The following CEP78 variants were observed in gnomAD, a reference collection of about 807,000 sequenced individuals.
CEP78 encodes centrosomal protein of 78 kDa.
CEP78 carries 76 observed loss-of-function variants against 81.2 expected under a neutral mutation model. That is an observed-to-expected ratio of 0.94 (90% CI 0.78 to 1.13). CEP78 has a LOEUF of 1.13. Among genes scored for constraint, CEP78 ranks in the 50% most tolerant of loss-of-function variants. The probability of loss-of-function intolerance (pLI) is 0.00; values close to 1 mark genes in which losing one functional copy is unlikely to be tolerated. For synonymous variants in CEP78, 293 were observed against 301.4 expected (o/e 0.97, Z 0.29); for missense variants, 918 against 846.8 (o/e 1.08, Z -1.04).
rs72743774 is a variant in CEP78, at chr9:78,270,672, G to A, written c.2108-169G>A. Among the ~76,000 whole-genome samples, 713 of 152,250 alleles carry A rather than the reference G, an allele frequency of 4.7e-3. 4 individuals carry two copies. The highest frequency in any genetic ancestry group is 7.2e-3 in the Non-Finnish European group (487 of 68,008). ...CAGTTCTATATCCAATAATGAGTTCGTCCAATTTCAAATGGGTATTTACAG... is the reference window on the plus strand; with the variant it reads ...CAGTTCTATATCCAATAATGAGTTCATCCAATTTCAAATGGGTATTTACAG... On this transcript the variant is annotated intron_variant, in intron 16 of 16. Coordinates refer to ENST00000643273, the MANE Select transcript of CEP78 (RefSeq NM_001330691.3).
At chr9:78,258,907 G>C (rs766842464) in intron 11 of CEP78, among the ~76,000 whole-genome samples, 7 of 152,130 alleles carry the variant, frequency 4.6e-5, no homozygotes, top group Non-Finnish European at 7.3e-5. Context: ...TGCTTACACC[G>C]GAAGTATAAG....
chr9:78,261,011 C>T (rs1167184515), intron 11 of CEP78, among the ~76,000 whole-genome samples: 2 of 151,950 alleles, frequency 1.3e-5, no homozygotes, highest in East Asian at 2.0e-4. Context: ...AGTGCAGTGG[C>T]GCAATCTCAG....
In CEP78 at chr9:78,270,957, T is replaced by C. The variant is rs1045875145; in HGVS notation, c.*106T>C. 3 of 593,538 alleles carry C rather than the reference T, an allele frequency of 5.1e-6. No individual in the cohort carries two copies. The highest frequency in any genetic ancestry group is 8.8e-6 in the Non-Finnish European group (3 of 340,480). The allele number at this position is 593,538 out of a possible 1,614,324, so 36.8% of individuals were successfully genotyped here. On this transcript the variant is annotated 3_prime_UTR_variant, in exon 17 of 17. Transcript: ENST00000643273. ...AAGAAGCAGATGATTTAAGTACCAG[T>C]TAATTAAAGGATGGAACAGCTAAGC...
rs1156789267 is a variant in CEP78 at position 78,248,838 on chromosome 9, G to C, written c.1034G>C (p.Gly345Ala). 1 of 1,594,824 alleles carries C rather than the reference G, an allele frequency of 6.3e-7. No homozygotes were observed. The change falls in exon 8 of 17, where the codon GGA becomes GCA. Residue 345 changes from glycine (G) to alanine (A), a missense_variant. Transcript: ENST00000643273. ...CAGAAAAGGAGAACTATAATTCTAG[G>C]AAGTGGTCACAAAGGAAAAGCTACT... ...AKQKRRTIIL[G>A]SGHKGKATIR... is the part of the protein sequence containing the mutation.
In CEP78 at chr9:78,272,892, G is replaced by T. The variant is rs1211030610; in HGVS notation, c.*2041G>T. The T allele has an allele frequency of 6.6e-6, 1 of 152,190 alleles. No homozygotes were observed. The highest frequency in any genetic ancestry group is 2.4e-5 in the African/African-American group (1 of 41,446). The allele number at this position is 152,190 out of a possible 1,614,324, so 9.4% of individuals were successfully genotyped here. ...GCATATATTGTGACTTAAAGCTTCT[G>T]TCTAGATGTGACATATGTCACTTCT... On this transcript the variant is annotated 3_prime_UTR_variant, in exon 17 of 17. Coordinates refer to ENST00000643273, the MANE Select transcript of CEP78 (RefSeq NM_001330691.3).
In CEP78 at chr9:78,277,771, G is replaced by C. The variant is rs1011901073; in HGVS notation, c.*6920G>C. On this transcript the variant is annotated 3_prime_UTR_variant, in exon 17 of 17. Coordinates refer to ENST00000643273, the MANE Select transcript of CEP78 (RefSeq NM_001330691.3). Reference sequence around the variant, plus strand: ...CAAGTGCCCAAAGAGTCAGATACAAGACTGTGTGAAGTGTTTTTTGAGATA... The same window carrying C: ...CAAGTGCCCAAAGAGTCAGATACAACACTGTGTGAAGTGTTTTTTGAGATA... 1.3e-5 allele frequency: 2 copies of C among 152,160 alleles called. No individual in the cohort carries two copies. Among genetic ancestry groups the C allele is most frequent in the Non-Finnish European group, 2.9e-5 (2 of 68,012 alleles). The allele number at this position is 152,160 out of a possible 1,614,324, so 9.4% of individuals were successfully genotyped here.
At chr9:78,249,857 A>G (rs1375967320) in intron 8 of CEP78, 1 of 158,854 alleles carries the variant, frequency 6.3e-6, no homozygotes, top group African/African-American at 2.4e-5. Flanking sequence ...TTTTATGTTT[A>G]TAATCTGCCA....
chr9:78,269,351 G>A (rs541627720), intron 16 of CEP78, among the ~76,000 whole-genome samples: 1 of 152,286 alleles, frequency 6.6e-6, no homozygotes, highest in South Asian at 2.1e-4. Context: ...TTAGTTTGGA[G>A]CAGGTTGAAC....
chr9:78,262,424 T>C (rs1827316617), intron 11 of CEP78, among the ~76,000 whole-genome samples: 1 of 152,144 alleles, frequency 6.6e-6, no homozygotes. Context: ...CCCTCAACAC[T>C]CTGGAGGAAT....
rs141682318 is a variant in CEP78, at chr9:78,262,825, C to T, written c.1381-82C>T. The stretch of plus-strand genomic sequence containing the variant: ...TCACTTCTGGCTCTGTCCCTAAACA[C>T]TTGGTGAGCTCAACAGCTGGAAGAG... On this transcript the variant is annotated intron_variant, in intron 11 of 16. Coordinates refer to ENST00000643273, the MANE Select transcript of CEP78 (RefSeq NM_001330691.3). 6.0e-3 allele frequency: 4,748 copies of T among 789,084 alleles called. 156 individuals carry two copies. The African/African-American group carries it at 0.071, about 12-fold the overall frequency. The allele number at this position is 789,084 out of a possible 1,614,324, so 48.9% of individuals were successfully genotyped here. A position where few individuals can be genotyped will look rare whatever the true frequency, so the allele number is the denominator to read the frequency against.
chr9:78,236,587 C>T lies in CEP78; in HGVS notation c.237C>T (p.Pro79=). The change falls in exon 1 of 17, where the codon CCC becomes CCT. Residue 79 remains proline (P), a synonymous_variant. Coordinates refer to ENST00000643273, the MANE Select transcript of CEP78 (RefSeq NM_001330691.3). ...TCTCCATCAAGAGCTTCTTCCAGCCCTGGCTGGGGGACACAGGTTTGTAGT... is the reference window on the plus strand; with the variant it reads ...TCTCCATCAAGAGCTTCTTCCAGCCTTGGCTGGGGGACACAGGTTTGTAGT... ...PLVSIKSFFQ[P]WLGDTGSDMN... 5 of 1,548,620 alleles carry T rather than the reference C, an allele frequency of 3.2e-6. No individual in the cohort carries two copies. Among genetic ancestry groups the T allele is most frequent in the Non-Finnish European group, 4.4e-6 (5 of 1,148,444 alleles).
chr9:78,265,098 C>T (rs546673246), intron 13 of CEP78, among the ~76,000 whole-genome samples: 19 of 152,020 alleles, frequency 1.2e-4, no homozygotes, highest in Admixed American at 6.5e-5. Context: ...ATATAAAATA[C>T]GGAATAAGTA....
At chr9:78,236,841 T>G (rs1168907988) in intron 1 of CEP78, among the ~76,000 whole-genome samples, 1 of 152,182 alleles carries the variant, frequency 6.6e-6, no homozygotes, top group Non-Finnish European at 1.5e-5. Context: ...TGCTGATGCC[T>G]GCAGAGCTCT....
At position 78,275,782 on chromosome 9, in the gene CEP78, C is replaced by A. The variant is rs72743779; in HGVS notation, c.*4931C>A. 0.044 allele frequency: 6,670 copies of A among 151,954 alleles called. 249 individuals are homozygous for A. The highest frequency in any genetic ancestry group is 0.14 in the Admixed American group (2,105 of 15,170). The allele number at this position is 151,954 out of a possible 1,614,324, so 9.4% of individuals were successfully genotyped here. On this transcript the variant is annotated 3_prime_UTR_variant, in exon 17 of 17. Coordinates refer to ENST00000643273, the MANE Select transcript of CEP78 (RefSeq NM_001330691.3). ...ACAAAAATTAAAAAACAAAACAAAA[C>A]AAAAAAACCCAAAACTTAGCCAGGC...
In CEP78 at chr9:78,264,221, G is replaced by C. The variant is rs756926555; in HGVS notation, c.1530G>C (p.Leu510Phe). The change falls in exon 13 of 17, where the codon TTG becomes TTC. Residue 510 changes from leucine to phenylalanine, a missense_variant. Physicochemically the swap from Leu to Phe is conservative, Grantham distance 22 (BLOSUM62 0). Coordinates refer to ENST00000643273, the MANE Select transcript of CEP78 (RefSeq NM_001330691.3). Reference protein sequence around the residue: ...SLSEALHAQSLTNMILDDEGV... With the variant: ...SLSEALHAQSFTNMILDDEGV... Reference sequence around the variant, plus strand: ...CTGAAGCCCTTCATGCACAGTCATTGACAAATATGATCCTGGATGATGAAG... The same window carrying C: ...CTGAAGCCCTTCATGCACAGTCATTCACAAATATGATCCTGGATGATGAAG... 1 of 1,608,434 alleles carries C rather than the reference G, an allele frequency of 6.2e-7. No individual in the cohort carries two copies. Among genetic ancestry groups the C allele is most frequent in the East Asian group, 2.3e-5 (1 of 44,390 alleles).
At chr9:78,266,394 T>C (rs753237548) in intron 15 of CEP78, 48 bp from the exon 16 acceptor site, 1 of 1,393,516 alleles carries the variant, frequency 7.2e-7, no homozygotes, top group African/African-American at 1.4e-5. Flanking sequence ...GATTTTTAAA[T>C]GGATGGCTTT....
chr9:78,250,243 C>T (rs1826691588), intron 8 of CEP78: 2 of 398,064 alleles, frequency 5.0e-6, no homozygotes, highest in Non-Finnish European at 4.4e-6. Context: ...GTATTTGCCT[C>T]AGTAATTTGG....
At chr9:78,253,477 A>G (rs1054310221) in intron 10 of CEP78, 200 bp downstream of exon 10, 1 of 507,944 alleles carries the variant, frequency 2.0e-6, no homozygotes, top group African/African-American at 1.9e-5. Context: ...TTGTGGTTTC[A>G]TCTGTGTAGA....
Position 78,246,368 on chromosome 9 carries a change from G to A in CEP78, c.779-301G>A, listed in dbSNP as rs180671619. On this transcript the variant is annotated intron_variant, in intron 5 of 16. Coordinates refer to ENST00000643273, the MANE Select transcript of CEP78 (RefSeq NM_001330691.3). ...TAATCCCAGCACTTTGGGAGGCCGAGGTGGGCAGATCACAAGGTCAGGAGA... is the reference window on the plus strand; with the variant it reads ...TAATCCCAGCACTTTGGGAGGCCGAAGTGGGCAGATCACAAGGTCAGGAGA... Among the ~76,000 whole-genome samples the A allele has an allele frequency of 8.0e-4, 122 of 152,290 alleles. No homozygotes were observed. In the East Asian group the frequency reaches 0.019, roughly 24 times the overall value.
Sources: gnomAD v4.1 joint callset for allele counts (sites outside exome capture counted in the v4.1 genomes callset) on GRCh38, gnomAD v4.1.1 for gene constraint, MANE v1.5 for transcripts, NCBI Gene and HGNC (gene_info 2026-07-23, HGNC 2026-07-21) for gene names.